Variants in FAT4 observed in about 807,000 individuals in gnomAD.
The protein encoded by FAT4 is protocadherin Fat 4.
FAT4 carries 84 observed loss-of-function variants against 303.9 expected under a neutral mutation model. That is an observed-to-expected ratio of 0.28 (90% CI 0.23 to 0.33). FAT4 has a LOEUF of 0.33. FAT4 is among the 10% of genes least tolerant of loss of function. FAT4 has a pLI of 1.00. For missense variants in FAT4, 6,005 were observed against 6,146.8 expected (o/e 0.98, Z 0.77); for synonymous variants, 2,307 against 2,298.8 (o/e 1.00, Z -0.10).
At position 125,490,875 on chromosome 4, in the gene FAT4, A is replaced by T; in HGVS notation, c.14059A>T (p.Ser4687Cys). The T allele has an allele frequency of 6.2e-7, 1 of 1,614,190 alleles. No homozygotes were observed. The highest frequency in any genetic ancestry group is 8.5e-7 in the Non-Finnish European group (1 of 1,180,040). ...QPSYGQGLRT[S>C]SLSHSACPTP... Reference sequence around the variant, plus strand: ...TTCATATGGTCAAGGTTTGAGAACCAGCTCCCTAAGCCACTCAGCATGCCC... The same window carrying T: ...TTCATATGGTCAAGGTTTGAGAACCTGCTCCCTAAGCCACTCAGCATGCCC... The change falls in exon 18 of 18, where the codon AGC becomes TGC. Residue 4687 changes from serine to cysteine, a missense_variant. By Grantham distance (112) the Ser-to-Cys change is moderately radical. Coordinates refer to ENST00000394329, the MANE Select transcript of FAT4 (RefSeq NM_001291303.3).
chr4:125,448,770 T>G lies in FAT4; in HGVS notation c.7760T>G (p.Leu2587Arg). The change falls in exon 10 of 18, where the codon CTT becomes CGT. Residue 2587 changes from leucine to arginine, a missense_variant. Leu to Arg is a moderately radical substitution (Grantham distance 102). Coordinates refer to ENST00000394329, the MANE Select transcript of FAT4 (RefSeq NM_001291303.3). ...MFPENQPVSS[L>R]VTTITGSSLR... ...CCTGAAAACCAACCAGTCAGCTCTC[T>G]TGTCACCACCATCACAGGATCCTCT... is the stretch of plus-strand genomic sequence containing the variant. 6.2e-7 allele frequency: 1 copy of G among 1,612,226 alleles called. No individual in the cohort carries two copies. Among genetic ancestry groups the G allele is most frequent in the Non-Finnish European group, 8.5e-7 (1 of 1,179,900 alleles).
chr4:125,437,634 C>T (rs1015203322), intron 8 of FAT4, among the ~76,000 whole-genome samples: 38 of 152,072 alleles, frequency 2.5e-4, no homozygotes, highest in Non-Finnish European at 1.6e-4. Context: ...GAACTTCTTC[C>T]AGGTTATGAG....
At chr4:125,387,288 A>AT (rs1733792202) in intron 2 of FAT4, among the ~76,000 whole-genome samples, 1 of 152,230 alleles carries the variant, frequency 6.6e-6, no homozygotes, top group Non-Finnish European at 1.5e-5. Context: ...GAAGACTACT[A>AT]TGCAAATGTG....
At chr4:125,362,470 G>A (rs1560779222) in intron 2 of FAT4, among the ~76,000 whole-genome samples, 1 of 152,114 alleles carries the variant, frequency 6.6e-6, no homozygotes, top group Non-Finnish European at 1.5e-5. Context: ...GATATTAGAA[G>A]AGAAATGATT....
chr4:125,376,881 A>G (rs1016903695), intron 2 of FAT4, among the ~76,000 whole-genome samples: 1 of 152,154 alleles, frequency 6.6e-6, no homozygotes, highest in Non-Finnish European at 1.5e-5. Flanking sequence ...GTGAAACTCT[A>G]TCTCAAAAAT....
intron 2 of FAT4, among the ~76,000 whole-genome samples, chr4:125,389,077 T>C (rs559226329): frequency 1.3e-5 from 2 of 152,282 alleles, no homozygotes; most frequent in South Asian, 4.1e-4. Flanking sequence ...GTTTTAAAAC[T>C]CATTATGATT....
At chr4:125,359,433 T>C (rs1454112635) in intron 2 of FAT4, among the ~76,000 whole-genome samples, 1 of 152,216 alleles carries the variant, frequency 6.6e-6, no homozygotes, top group Admixed American at 6.6e-5. Flanking sequence ...TACATATTCA[T>C]TAAGTGGGAT....
intron 11 of FAT4, among the ~76,000 whole-genome samples, chr4:125,464,785 G>A (rs1376196215): frequency 6.6e-6 from 1 of 151,958 alleles, no homozygotes; most frequent in East Asian, 1.9e-4. Flanking sequence ...TTTTGTCCTT[G>A]CGATAGTTTG....
intron 2 of FAT4, among the ~76,000 whole-genome samples, chr4:125,364,555 C>T (rs191630489): frequency 6.6e-5 from 10 of 151,784 alleles, no homozygotes; most frequent in Admixed American, 4.6e-4. Flanking sequence ...AAAGGAGTCT[C>T]GGTGGAAGTG....
intron 2 of FAT4, among the ~76,000 whole-genome samples, chr4:125,341,371 G>GCT (rs1189235215): frequency 6.6e-6 from 1 of 152,008 alleles, no homozygotes; most frequent in Non-Finnish European, 1.5e-5. Context: ...AAATGTTAGA[G>GCT]ATTTGTTAGT....
intron 9 of FAT4, among the ~76,000 whole-genome samples, chr4:125,446,826 A>T: frequency 6.6e-6 from 1 of 151,878 alleles, no homozygotes; most frequent in Non-Finnish European, 1.5e-5. Context: ...TATATATTAC[A>T]TCATCGTTAA....
rs764042588 is a variant in FAT4 at position 125,319,881 on chromosome 4, A to C, written c.3470A>C (p.Asn1157Thr). 3 of 1,614,066 alleles carry C rather than the reference A, an allele frequency of 1.9e-6. No individual in the cohort carries two copies. The highest frequency in any genetic ancestry group is 2.5e-6 in the Non-Finnish European group (3 of 1,180,040). ...CATGCCATCAGTGGGGAAATTACAA[A>C]TACTCATCAGTTTGACAGGGAGTCT... ...ELHAISGEITNTHQFDRESLM... is the reference protein window; with the variant it reads ...ELHAISGEITTTHQFDRESLM... Residue 1157 changes from asparagine to threonine, a missense_variant, in exon 2 of 18, where the codon AAT becomes ACT. By Grantham distance (65) the Asn-to-Thr change is moderately conservative. Coordinates refer to ENST00000394329, the MANE Select transcript of FAT4 (RefSeq NM_001291303.3).
intron 5 of FAT4, among the ~76,000 whole-genome samples, chr4:125,412,775 T>A (rs1045558017): frequency 1.3e-5 from 2 of 151,922 alleles, no homozygotes; most frequent in African/African-American, 4.8e-5. Context: ...GTATTTTTAA[T>A]GTATTTTGAT....
At chr4:125,398,688 GGCAGTCTTGATT>G (rs1368195332) in intron 2 of FAT4, 84 bp from the exon 3 acceptor site, 1 of 1,191,304 alleles carries the variant, frequency 8.4e-7, no homozygotes, top group Non-Finnish European at 1.2e-6. Context: ...AATTCATTTT[GGCAGTCTTGATT>G]GCGTGGATTC....
chr4:125,319,079 T>C lies in FAT4; in HGVS notation c.2668T>C (p.Ser890Pro), dbSNP rs1381023303. Residue 890 changes from serine to proline, a missense_variant, in exon 2 of 18, where the codon TCT becomes CCT. Coordinates refer to ENST00000394329, the MANE Select transcript of FAT4 (RefSeq NM_001291303.3). ...AACAGTTAAGGATTTGAATGACAAC[T>C]CTCCCCATTTCCTTCAGGCAATAGA... is the stretch of plus-strand genomic sequence containing the variant. ...NITVKDLNDNSPHFLQAIESV... is the reference protein window; with the variant it reads ...NITVKDLNDNPPHFLQAIESV... The C allele has an allele frequency of 6.2e-7, 1 of 1,614,082 alleles. No individual in the cohort carries two copies. Among genetic ancestry groups the C allele is most frequent in the African/African-American group, 1.3e-5 (1 of 74,992 alleles).
intron 2 of FAT4, among the ~76,000 whole-genome samples, chr4:125,362,537 A>G (rs1732714419): frequency 6.6e-6 from 1 of 152,156 alleles, no homozygotes; most frequent in South Asian, 2.1e-4. Context: ...AGAATTGGGT[A>G]GAGGAATTAT....
At chr4:125,352,572 A>G (rs953845785) in intron 2 of FAT4, among the ~76,000 whole-genome samples, 3 of 151,802 alleles carry the variant, frequency 2.0e-5, no homozygotes, top group East Asian at 1.9e-4. Context: ...TTCTTTTTCC[A>G]TTGTTACTTT....
chr4:125,352,747 CA>C (rs1243366006), intron 2 of FAT4, among the ~76,000 whole-genome samples: 10 of 151,064 alleles, frequency 6.6e-5, no homozygotes, highest in Non-Finnish European at 1.2e-4. Flanking sequence ...GTAGGGCTAG[CA>C]CGCATACATT....
At chr4:125,337,363 AAC>A (rs1331448748) in intron 2 of FAT4, among the ~76,000 whole-genome samples, 1 of 152,106 alleles carries the variant, frequency 6.6e-6, no homozygotes, top group African/African-American at 2.4e-5. Context: ...ATACTTAGGA[AAC>A]ACAGAAAATT....
Sources: gnomAD v4.1 joint callset for allele counts (sites outside exome capture counted in the v4.1 genomes callset) on GRCh38, gnomAD v4.1.1 for gene constraint, MANE v1.5 for transcripts, NCBI Gene and HGNC (gene_info 2026-07-23, HGNC 2026-07-21) for gene names.